The following LAMA4 variants were observed in gnomAD, a reference collection of about 807,000 sequenced individuals.
LAMA4 encodes laminin subunit alpha-4.
In LAMA4, 127 loss-of-function variants were observed where a neutral mutation model predicts 207.1. That is an observed-to-expected ratio of 0.61 (90% CI 0.53 to 0.71). LAMA4 has a LOEUF of 0.71. Among genes scored for constraint, LAMA4 ranks in the 30% least tolerant of loss-of-function variants. The pLI is 0.00. For missense variants in LAMA4, 2,093 were observed against 2,246.5 expected (o/e 0.93, Z 1.38); for synonymous variants, 761 against 816.0 (o/e 0.93, Z 1.15).
chr6:112,229,930 A>C (rs1443688916), intron 2 of LAMA4, among the ~76,000 whole-genome samples: 4 of 152,224 alleles, frequency 2.6e-5, no homozygotes, highest in Admixed American at 6.5e-5. Context: ...TAGTGAATTA[A>C]ATGTTAAATG....
intron 37 of LAMA4, 37 bp downstream of exon 37, chr6:112,114,626 G>T: frequency 7.8e-7 from 1 of 1,284,038 alleles, no homozygotes; most frequent in South Asian, 1.2e-5. Context: ...TCTTACAGTT[G>T]GGTGTGCAGG....
Position 112,148,324 on chromosome 6 carries a change from T to G in LAMA4, c.2186A>C (p.Gln729Pro), listed in dbSNP as rs1554335038. The G allele has an allele frequency of 6.2e-7, 1 of 1,614,190 alleles. No individual in the cohort carries two copies. Among genetic ancestry groups the G allele is most frequent in the East Asian group, 2.2e-5 (1 of 44,866 alleles). The change falls in exon 18 of 39, where the codon CAG (glutamine) becomes CCG (proline). Residue 729 changes from glutamine (Q) to proline (P), a missense_variant. Gln to Pro is a moderately conservative substitution (Grantham distance 76). This residue lies in a region of LAMA4 where 1,704 missense variants were observed against 1,788.4 expected (regional missense o/e 0.95). Transcript: ENST00000230538. The part of the protein sequence containing the change: ...LQAAERGDAQ[Q>P]RLGQSRLITE... ...GATCAGTCTAGACTGCCCCAGGCGC[T>G]GCTGGGCATCCCCTTTACACAGAGC...
intron 18 of LAMA4, among the ~76,000 whole-genome samples, chr6:112,146,903 T>C (rs1780063064): frequency 6.6e-6 from 1 of 152,202 alleles, no homozygotes. Flanking sequence ...GATAATATAC[T>C]TAATGAATTA....
rs566972043 is a variant in LAMA4, at chr6:112,129,088, C to G, written c.4134-13G>C. On this transcript the variant is annotated splice_polypyrimidine_tract_variant and intron_variant, in intron 30 of 38. Transcript: ENST00000230538. Reference sequence around the variant, plus strand: ...ATCTCTATCCACCCTGTGTTTGTAACAGAGGAAAAAATAAATATTAAAAAT... The same window carrying G: ...ATCTCTATCCACCCTGTGTTTGTAAGAGAGGAAAAAATAAATATTAAAAAT... 1 of 1,603,440 alleles carries G rather than the reference C, an allele frequency of 6.2e-7. No individual in the cohort carries two copies. Among genetic ancestry groups the G allele is most frequent in the Non-Finnish European group, 8.5e-7 (1 of 1,171,184 alleles).
chr6:112,172,160 C>A (rs1781754228), intron 12 of LAMA4: 1 of 208,532 alleles, frequency 4.8e-6, no homozygotes, highest in Non-Finnish European at 9.8e-6. Context: ...TCACCTTCCT[C>A]TTTGCATTTG....
At chr6:112,223,111 A>G (rs782580320) in intron 2 of LAMA4, among the ~76,000 whole-genome samples, 1 of 152,114 alleles carries the variant, frequency 6.6e-6, no homozygotes, top group African/African-American at 2.4e-5. Flanking sequence ...CACCTCCTGT[A>G]ACTGGCTTGT....
intron 3 of LAMA4, among the ~76,000 whole-genome samples, chr6:112,214,223 T>C (rs1554357853): frequency 6.6e-6 from 1 of 152,064 alleles, no homozygotes; most frequent in Non-Finnish European, 1.5e-5. Flanking sequence ...TTTAATTAAA[T>C]ATAAATATAT....
chr6:112,114,709 A>T lies in LAMA4; in HGVS notation c.5160T>A (p.Val1720=), dbSNP rs1050353. 0.28 allele frequency: 452,367 copies of T among 1,610,724 alleles called. 64,902 individuals carry two copies. Among genetic ancestry groups the T allele is most frequent in the African/African-American group, 0.33 (24,947 of 74,814 alleles). ...CATCACAGAGACTCTGCTTGGGTGT[A>T]ACTGAGGTGGAAAAATCTCTGATGC... ...NNGIRDFSTS[V]TPKQSLCDGR... The change falls in exon 37 of 39, where the codon GTT becomes GTA. Residue 1720 remains valine (V), a synonymous_variant. Transcript: ENST00000230538.
intron 26 of LAMA4, 59 bp downstream of exon 26, chr6:112,134,408 G>T: frequency 5.7e-6 from 9 of 1,568,334 alleles, no homozygotes; most frequent in Non-Finnish European, 7.9e-6. Context: ...GACCTCTCCT[G>T]GATGTTGCCA....
intron 3 of LAMA4, chr6:112,214,048 C>G (rs1425902416): frequency 3.9e-6 from 3 of 762,412 alleles, no homozygotes; most frequent in Non-Finnish European, 7.3e-6. Flanking sequence ...AGCTGAAAAA[C>G]CTGGGTCTTC....
At chr6:112,113,633 T>G (rs1377379575) in intron 38 of LAMA4, among the ~76,000 whole-genome samples, 1 of 152,220 alleles carries the variant, frequency 6.6e-6, no homozygotes, top group African/African-American at 2.4e-5. Flanking sequence ...ACTTATGGTC[T>G]GCAGCTGTTT....
intron 10 of LAMA4, among the ~76,000 whole-genome samples, chr6:112,176,722 T>G (rs1211109405): frequency 6.6e-6 from 1 of 152,248 alleles, no homozygotes; most frequent in Non-Finnish European, 1.5e-5. Flanking sequence ...AATTTTGGCC[T>G]GTTTTAGTTT....
chr6:112,128,432 C>T (rs551125627), intron 31 of LAMA4, among the ~76,000 whole-genome samples: 17 of 152,066 alleles, frequency 1.1e-4, no homozygotes, highest in Admixed American at 2.6e-4. Context: ...GGACGGGCAG[C>T]GGCGGGAGGA....
intron 2 of LAMA4, among the ~76,000 whole-genome samples, chr6:112,225,529 T>C (rs981862184): frequency 6.6e-6 from 1 of 152,230 alleles, no homozygotes; most frequent in Admixed American, 6.5e-5. Context: ...TCAGAGTCAC[T>C]GTGCTATTAT....
intron 22 of LAMA4, 103 bp downstream of exon 22, chr6:112,140,657 C>G: frequency 9.3e-7 from 1 of 1,078,716 alleles, no homozygotes. Context: ...GAACTAAGCT[C>G]TTAAAGTGAT....
intron 4 of LAMA4, among the ~76,000 whole-genome samples, chr6:112,205,497 A>G (rs1784008372): frequency 6.6e-6 from 1 of 152,220 alleles, no homozygotes; most frequent in Non-Finnish European, 1.5e-5. Context: ...TTCTGAGATC[A>G]CACAGGTATT....
chr6:112,172,510 A>T (rs1400968298), intron 12 of LAMA4, 101 bp downstream of exon 12: 2 of 1,036,424 alleles, frequency 1.9e-6, no homozygotes, highest in Non-Finnish European at 2.9e-6. Context: ...TAAGTATTTA[A>T]CTATACCAAT....
Position 112,213,057 on chromosome 6 carries a change from C to A in LAMA4, c.297+3311G>T, listed in dbSNP as rs147767972. 1.5e-3 allele frequency among the ~76,000 whole-genome samples: 231 copies of A among 152,242 alleles called. 1 individual carries two copies. The highest frequency in any genetic ancestry group is 4.5e-3 in the African/African-American group (185 of 41,554). ...TTGGATTGCTTCCCTTCTCATTGTG[C>A]CTAGGGTAGGCTGGAAGTTCATCTG... On this transcript the variant is annotated intron_variant, in intron 3 of 38. Coordinates refer to ENST00000230538, the MANE Select transcript of LAMA4 (RefSeq NM_001105206.3).
intron 13 of LAMA4, among the ~76,000 whole-genome samples, chr6:112,162,671 C>T (rs1206325093): frequency 6.6e-6 from 1 of 152,012 alleles, no homozygotes; most frequent in Non-Finnish European, 1.5e-5. Flanking sequence ...TTTGATATGT[C>T]TATTATTAAT....
Sources: gnomAD v4.1 joint callset for allele counts (sites outside exome capture counted in the v4.1 genomes callset) on GRCh38, gnomAD v4.1.1 for gene constraint, gnomAD v4.1.1 regional missense constraint, MANE v1.5 for transcripts, NCBI Gene and HGNC (gene_info 2026-07-23, HGNC 2026-07-21) for gene names.